Variants in TBL1X observed in about 807,000 individuals in gnomAD.
TBL1X encodes the protein transducin beta like 1 X-linked, also known as F-box-like/WD repeat-containing protein TBL1X.
TBL1X carries 10 observed loss-of-function variants against 50.7 expected under a neutral mutation model. The observed-to-expected ratio is 0.20, with a 90% confidence interval of 0.12 to 0.33. The LOEUF is 0.33. Among genes scored for constraint, TBL1X ranks in the 10% least tolerant of loss-of-function variants. TBL1X has a pLI of 1.00. For synonymous variants in TBL1X, 190 were observed against 214.7 expected (o/e 0.88, Z 1.01); for missense variants, 340 against 504.4 (o/e 0.67, Z 3.12).
At position 9,649,348 on chromosome X, in the gene TBL1X, G is replaced by C. The variant is rs180857980; in HGVS notation, c.-42-4197G>C. Among the ~76,000 whole-genome samples, 93 of 112,224 alleles carry C rather than the reference G, an allele frequency of 8.3e-4. No homozygotes were observed. The Admixed American group carries it at 8.8e-3, about 11-fold the overall frequency. On this transcript the variant is annotated intron_variant, in intron 3 of 17. Transcript: ENST00000645353. ...AAAATTAAAATATGTACTTGAGATG[G>C]AGCAGTCAGTCTTACCAAACATTAC...
intron 2 of TBL1X, among the ~76,000 whole-genome samples, chrX:9,630,363 A>G (rs906832262): frequency 8.9e-6 from 1 of 111,824 alleles, no homozygotes; most frequent in African/African-American, 3.3e-5. Flanking sequence ...GCTGAATAGA[A>G]TACAGTCATC....
At chrX:9,554,794 G>C (rs1278933735) in intron 2 of TBL1X, among the ~76,000 whole-genome samples, 2 of 111,627 alleles carry the variant, frequency 1.8e-5, no homozygotes, top group Non-Finnish European at 3.8e-5. Flanking sequence ...TAAATGTACA[G>C]GTTCAGTGAA....
chrX:9,708,849 C>CT (rs2083226803), intron 13 of TBL1X, among the ~76,000 whole-genome samples: 1 of 111,573 alleles, frequency 9.0e-6, no homozygotes, highest in Admixed American at 9.5e-5. Context: ...GCCCGGGAGA[C>CT]AGAGTGAGAC....
intron 1 of TBL1X, among the ~76,000 whole-genome samples, chrX:9,494,578 AAAG>A (rs1449037625): frequency 8.9e-6 from 1 of 112,248 alleles, no homozygotes; most frequent in African/African-American, 3.2e-5. Context: ...CTTCAAAAAA[AAAG>A]TTTTTTTAAA....
At chrX:9,683,041 G>T (rs1601836496) in intron 5 of TBL1X, among the ~76,000 whole-genome samples, 1 of 111,022 alleles carries the variant, frequency 9.0e-6, no homozygotes, top group Non-Finnish European at 1.9e-5. Flanking sequence ...CCCTCAGGCC[G>T]CCTCTGCACC....
intron 2 of TBL1X, among the ~76,000 whole-genome samples, chrX:9,597,318 C>G (rs1409669432): frequency 9.0e-6 from 1 of 111,604 alleles, no homozygotes; most frequent in East Asian, 2.8e-4. Flanking sequence ...GTACCTGCTG[C>G]TCTCCTTAAA....
intron 5 of TBL1X, among the ~76,000 whole-genome samples, chrX:9,675,686 C>T (rs1473088436): frequency 9.0e-6 from 1 of 110,937 alleles, no homozygotes; most frequent in Non-Finnish European, 1.9e-5. Flanking sequence ...GTCAGGAGTT[C>T]GAGACCAGCC....
intron 2 of TBL1X, among the ~76,000 whole-genome samples, chrX:9,613,292 G>T: frequency 9.0e-6 from 1 of 111,544 alleles, no homozygotes. Flanking sequence ...CGCTGCTGCA[G>T]ACTCTCCTTG....
At chrX:9,491,661 C>G (rs146647798) in intron 1 of TBL1X, among the ~76,000 whole-genome samples, 4 of 110,196 alleles carry the variant, frequency 3.6e-5, no homozygotes, top group Non-Finnish European at 5.7e-5. Context: ...ATGAGGTATC[C>G]GTGGACCAGC....
chrX:9,668,842 A>C (rs1374315971), intron 5 of TBL1X, among the ~76,000 whole-genome samples: 1 of 111,371 alleles, frequency 9.0e-6, no homozygotes, highest in African/African-American at 3.3e-5. Flanking sequence ...TGGTAAGTAA[A>C]GAATGTCATT....
At chrX:9,467,695 T>G (rs1028149587) in intron 1 of TBL1X, among the ~76,000 whole-genome samples, 3 of 110,834 alleles carry the variant, frequency 2.7e-5, no homozygotes, top group African/African-American at 9.9e-5. Flanking sequence ...GGACTCGAGT[T>G]TTTACCTCCG....
intron 2 of TBL1X, among the ~76,000 whole-genome samples, chrX:9,629,441 C>G (rs889552356): frequency 8.9e-6 from 1 of 112,164 alleles, no homozygotes; most frequent in Non-Finnish European, 1.9e-5. Flanking sequence ...GTTGCCATAT[C>G]TAGGTATATC....
Position 9,551,739 on chromosome X carries a change from C to T in TBL1X, c.-131+49890C>T, listed in dbSNP as rs181946013. 3.7e-3 allele frequency among the ~76,000 whole-genome samples: 410 copies of T among 111,422 alleles called. 1 individual carries two copies. The highest frequency in any genetic ancestry group is 0.028 in the Middle Eastern group (6 of 215). On this transcript the variant is annotated intron_variant, in intron 2 of 17. Transcript: ENST00000645353. Reference sequence around the variant, plus strand: ...TGGGATGTTTTTCCATGTTGGGCTTCGGATATGAAGTTTAAGGAAGGAGAA... The same window carrying T: ...TGGGATGTTTTTCCATGTTGGGCTTTGGATATGAAGTTTAAGGAAGGAGAA...
At chrX:9,600,154 T>C (rs1421312643) in intron 2 of TBL1X, among the ~76,000 whole-genome samples, 2 of 111,781 alleles carry the variant, frequency 1.8e-5, no homozygotes, top group African/African-American at 6.5e-5. Context: ...CTGATCCGGC[T>C]GCTGTAACAA....
At chrX:9,480,940 T>G (rs2081879141) in intron 1 of TBL1X, among the ~76,000 whole-genome samples, 1 of 111,539 alleles carries the variant, frequency 9.0e-6, no homozygotes, top group African/African-American at 3.3e-5. Context: ...TAGTATGTGT[T>G]TCAGAATTGT....
At chrX:9,699,278 T>C (rs980168600) in intron 12 of TBL1X, among the ~76,000 whole-genome samples, 4 of 111,881 alleles carry the variant, frequency 3.6e-5, no homozygotes, top group African/African-American at 1.3e-4. Flanking sequence ...CTCCCTCCTC[T>C]GTGTAACTCA....
chrX:9,485,291 ATAGT>A (rs767183743), intron 1 of TBL1X, among the ~76,000 whole-genome samples: 1 of 112,148 alleles, frequency 8.9e-6, no homozygotes, highest in African/African-American at 3.2e-5. Context: ...GTAAATTATG[ATAGT>A]TAATCGTTTG....
chrX:9,662,978 G>A (rs1272829961), intron 5 of TBL1X, among the ~76,000 whole-genome samples: 1 of 110,884 alleles, frequency 9.0e-6, no homozygotes, highest in African/African-American at 3.3e-5. Flanking sequence ...TTTTAAAAAT[G>A]GTTAGCATGA....
At chrX:9,682,696 G>A (rs994212738) in intron 5 of TBL1X, among the ~76,000 whole-genome samples, 1 of 111,920 alleles carries the variant, frequency 8.9e-6, no homozygotes, top group Non-Finnish European at 1.9e-5. Context: ...GAGGGAAGCC[G>A]GCTGCCACTG....
Sources: allele counts gnomAD v4.1 joint callset (sites outside exome capture counted in the v4.1 genomes callset), GRCh38; gene constraint gnomAD v4.1.1; transcripts MANE v1.5; gene names NCBI Gene and HGNC (gene_info 2026-07-23, HGNC 2026-07-21).